The following MYO3B variants were observed in gnomAD, a reference collection of about 807,000 sequenced individuals.
The protein encoded by MYO3B is myosin IIIB, also known as myosin-IIIb.
In MYO3B, 156 loss-of-function variants were observed where a neutral mutation model predicts 174.6. The ratio of observed to expected loss-of-function variants is 0.89; its 90% confidence interval spans 0.78 to 1.02. MYO3B has a LOEUF of 1.02. MYO3B is among the 50% of genes least tolerant of loss of function. The probability of loss-of-function intolerance (pLI) is 0.00; values close to 1 mark genes in which losing one functional copy is unlikely to be tolerated. For missense variants in MYO3B, 1,632 were observed against 1,639.4 expected (o/e 1.00, Z 0.08); for synonymous variants, 563 against 569.1 (o/e 0.99, Z 0.15).
chr2:170,300,710 C>G (rs1252669924), intron 7 of MYO3B, among the ~76,000 whole-genome samples: 1 of 152,208 alleles, frequency 6.6e-6, no homozygotes, highest in Non-Finnish European at 1.5e-5. Flanking sequence ...GCTATTTTCA[C>G]CTTGGCACAT....
intron 3 of MYO3B, among the ~76,000 whole-genome samples, chr2:170,201,480 G>A (rs747348203): frequency 2.0e-5 from 3 of 152,300 alleles, no homozygotes; most frequent in Non-Finnish European, 4.4e-5. Context: ...GAGGGCCTGA[G>A]CCTGGGACAA....
chr2:170,277,310 C>T (rs2093470652), intron 7 of MYO3B, among the ~76,000 whole-genome samples: 1 of 152,162 alleles, frequency 6.6e-6, no homozygotes, highest in African/African-American at 2.4e-5. Flanking sequence ...ATAGGATTTC[C>T]CAAGAAACTA....
rs182419006 is a variant in MYO3B, at chr2:170,511,099, G to A, written c.3371-3822G>A. On this transcript the variant is annotated intron_variant, in intron 28 of 34. Transcript: ENST00000408978. ...TTTTGAGACGGAGTCTCACTCTGTC[G>A]CCTAGGCTGGAGTGCAGTGGTGCGA... is the stretch of plus-strand genomic sequence containing the variant. 1.0e-4 allele frequency among the ~76,000 whole-genome samples: 15 copies of A among 142,956 alleles called. No homozygotes were observed. The East Asian group carries it at 2.3e-3, about 22-fold the overall frequency. 93.8% of individuals were successfully genotyped at this position (142,956 alleles called of 152,430 possible). A position where few individuals can be genotyped will look rare whatever the true frequency, so the allele number is the denominator to read the frequency against.
chr2:170,565,926 TGAGA>T (rs1378295653), intron 32 of MYO3B, among the ~76,000 whole-genome samples: 2 of 152,232 alleles, frequency 1.3e-5, no homozygotes, highest in Non-Finnish European at 2.9e-5. Flanking sequence ...CAGGCCCTAC[TGAGA>T]GAGGAGGGTG....
At chr2:170,278,962 T>C (rs1406922791) in intron 7 of MYO3B, among the ~76,000 whole-genome samples, 1 of 152,202 alleles carries the variant, frequency 6.6e-6, no homozygotes, top group Non-Finnish European at 1.5e-5. Flanking sequence ...GATTTTATTC[T>C]TTTTTTATGG....
At chr2:170,345,108 C>T (rs879869105) in intron 8 of MYO3B, 11 of 152,232 alleles carry the variant, frequency 7.2e-5, no homozygotes, top group African/African-American at 2.7e-4. Flanking sequence ...CTTCCACAGG[C>T]TCTGGTGCAG....
chr2:170,360,535 G>T (rs373223817), intron 8 of MYO3B, among the ~76,000 whole-genome samples: 1 of 152,208 alleles, frequency 6.6e-6, no homozygotes, highest in Non-Finnish European at 1.5e-5. Flanking sequence ...TCAACTGAGA[G>T]AAAGTAGCTA....
intron 7 of MYO3B, among the ~76,000 whole-genome samples, chr2:170,312,672 G>A (rs2093747945): frequency 6.6e-6 from 1 of 152,240 alleles, no homozygotes; most frequent in African/African-American, 2.4e-5. Context: ...ATTAGCTAAG[G>A]ATAAGGGACA....
intron 25 of MYO3B, among the ~76,000 whole-genome samples, chr2:170,467,836 C>A (rs1389348323): frequency 7.2e-6 from 1 of 139,168 alleles, no homozygotes; most frequent in Admixed American, 7.1e-5. Flanking sequence ...AAAAAAGTTC[C>A]TTGCAATGAG....
intron 32 of MYO3B, among the ~76,000 whole-genome samples, chr2:170,645,080 G>A (rs1375083084): frequency 6.6e-6 from 1 of 152,088 alleles, no homozygotes; most frequent in Non-Finnish European, 1.5e-5. Flanking sequence ...ACAAAGTGGG[G>A]AGTTTGGTTT....
At chr2:170,620,784 G>A (rs1270754832) in intron 32 of MYO3B, among the ~76,000 whole-genome samples, 1 of 152,224 alleles carries the variant, frequency 6.6e-6, no homozygotes, top group Non-Finnish European at 1.5e-5. Flanking sequence ...CCACCCTTTG[G>A]CCTAGAGGGA....
At chr2:170,220,664 T>C (rs942654174) in intron 6 of MYO3B, among the ~76,000 whole-genome samples, 4 of 151,138 alleles carry the variant, frequency 2.6e-5, no homozygotes, top group Non-Finnish European at 5.9e-5. Context: ...ATGGAGTGTT[T>C]CTGTAGGGGA....
chr2:170,498,726 A>G (rs748614919), intron 26 of MYO3B, 23 bp downstream of exon 26: 7 of 1,438,532 alleles, frequency 4.9e-6, no homozygotes, highest in Non-Finnish European at 4.9e-6. Context: ...TTATTGTTCA[A>G]ATTGTCCCGT....
chr2:170,489,660 T>C (rs1377719912), intron 25 of MYO3B, among the ~76,000 whole-genome samples: 78 of 149,258 alleles, frequency 5.2e-4, no homozygotes, highest in African/African-American at 1.9e-3. Flanking sequence ...TGTGTGTGTG[T>C]GTGTGTGTCT....
chr2:170,540,140 A>G (rs1689989587), intron 30 of MYO3B, among the ~76,000 whole-genome samples: 2 of 152,088 alleles, frequency 1.3e-5, no homozygotes, highest in South Asian at 2.1e-4. Flanking sequence ...TGTGCAATAT[A>G]GTGAGACTTC....
chr2:170,372,986 C>G (rs1444442913), intron 9 of MYO3B, among the ~76,000 whole-genome samples: 10 of 152,028 alleles, frequency 6.6e-5, no homozygotes, highest in Non-Finnish European at 1.5e-4. Flanking sequence ...ACAGGAGCCA[C>G]GTCACCATGG....
chr2:170,375,879 G>A (rs1237956382), intron 9 of MYO3B, among the ~76,000 whole-genome samples: 4 of 152,128 alleles, frequency 2.6e-5, no homozygotes, highest in South Asian at 2.1e-4. Context: ...CTTCCTAACA[G>A]AAGAAATAAA....
chr2:170,311,463 T>G (rs1412190516), intron 7 of MYO3B, among the ~76,000 whole-genome samples: 1 of 151,826 alleles, frequency 6.6e-6, no homozygotes, highest in African/African-American at 2.4e-5. Flanking sequence ...TTTAACTGTT[T>G]GTGTTGCTGA....
chr2:170,181,084 A>G (rs1289392072), intron 1 of MYO3B, among the ~76,000 whole-genome samples: 1 of 152,124 alleles, frequency 6.6e-6, no homozygotes, highest in Non-Finnish European at 1.5e-5. Flanking sequence ...ATAGTGAACA[A>G]TCTTGTATGT....
Sources: allele counts gnomAD v4.1 joint callset (sites outside exome capture counted in the v4.1 genomes callset), GRCh38; gene constraint gnomAD v4.1.1; transcripts MANE v1.5; gene names NCBI Gene and HGNC (gene_info 2026-07-23, HGNC 2026-07-21).